Variants in ARHGAP26 observed in about 807,000 individuals in gnomAD.
ARHGAP26 encodes the protein rho GTPase-activating protein 26.
A neutral mutation model predicts 104.8 loss-of-function variants in ARHGAP26; 38 were observed. The ratio of observed to expected loss-of-function variants is 0.36; its 90% CI spans 0.28 to 0.48. The LOEUF is 0.48. ARHGAP26 is among the 20% of genes least tolerant of loss of function. The probability of loss-of-function intolerance (pLI) is 0.99; values close to 1 mark genes in which losing one functional copy is unlikely to be tolerated. For synonymous variants in ARHGAP26, 341 were observed against 340.0 expected (o/e 1.00, Z -0.03); for missense variants, 704 against 947.9 (o/e 0.74, Z 3.38).
chr5:142,894,232 T>G lies in ARHGAP26; in HGVS notation c.487-6T>G. The G allele has an allele frequency of 2.5e-6, 4 of 1,613,088 alleles. No individual in the cohort carries two copies. Among genetic ancestry groups the G allele is most frequent in the Non-Finnish European group, 3.4e-6 (4 of 1,179,106 alleles). On this transcript the variant is annotated splice_polypyrimidine_tract_variant and splice_region_variant and intron_variant, in intron 5 of 22. Transcript: ENST00000645722. ...ATTTTTCTCTTAAATTCCATCTTGT[T>G]TGTAGGCAGACAGCCAAGTGGACCT...
At chr5:142,981,121 A>T (rs971140656) in intron 11 of ARHGAP26, among the ~76,000 whole-genome samples, 5 of 152,218 alleles carry the variant, frequency 3.3e-5, no homozygotes, top group Admixed American at 6.5e-5. Context: ...TCATCATGGA[A>T]AGAAAAATGC....
At chr5:142,799,042 C>G (rs189002452) in intron 1 of ARHGAP26, among the ~76,000 whole-genome samples, 6 of 152,126 alleles carry the variant, frequency 3.9e-5, no homozygotes, top group African/African-American at 1.4e-4. Flanking sequence ...TGGTATACCT[C>G]GAAGAGATAA....
intron 20 of ARHGAP26, among the ~76,000 whole-genome samples, chr5:143,158,557 A>G (rs1453728453): frequency 2.6e-5 from 4 of 152,206 alleles, no homozygotes; most frequent in Admixed American, 2.6e-4. Context: ...GCAAAAGGGA[A>G]AAGAGCTTCT....
chr5:143,210,531 A>G (rs1006782469), intron 21 of ARHGAP26, among the ~76,000 whole-genome samples: 7 of 152,202 alleles, frequency 4.6e-5, no homozygotes, highest in African/African-American at 1.7e-4. Context: ...GCAGCACAGT[A>G]GAGAAAGGGT....
At chr5:142,777,515 C>T (rs1299722772) in intron 1 of ARHGAP26, among the ~76,000 whole-genome samples, 2 of 152,224 alleles carry the variant, frequency 1.3e-5, no homozygotes, top group Non-Finnish European at 2.9e-5. Flanking sequence ...GAATACTAAC[C>T]TAGCAGTCAA....
intron 13 of ARHGAP26, among the ~76,000 whole-genome samples, chr5:143,038,910 G>A (rs1783054255): frequency 1.3e-5 from 2 of 151,830 alleles, no homozygotes; most frequent in South Asian, 4.2e-4. Context: ...TGGCCAGGAT[G>A]GTCTCGATCT....
At chr5:142,861,739 A>G (rs1179642772) in intron 1 of ARHGAP26, among the ~76,000 whole-genome samples, 3 of 152,180 alleles carry the variant, frequency 2.0e-5, no homozygotes, top group African/African-American at 7.2e-5. Context: ...TCAGTGCATC[A>G]TCTCTCTTCT....
chr5:143,114,601 G>A (rs1795185837), intron 17 of ARHGAP26, among the ~76,000 whole-genome samples: 1 of 152,160 alleles, frequency 6.6e-6, no homozygotes, highest in African/African-American at 2.4e-5. Flanking sequence ...TGAGAGGGTA[G>A]TAGAGAGAAG....
Position 143,008,549 on chromosome 5 carries a change from A to T in ARHGAP26, c.1108-5531A>T, listed in dbSNP as rs529117280. Among the ~76,000 whole-genome samples the T allele has an allele frequency of 3.9e-5, 6 of 152,322 alleles. No individual in the cohort carries two copies. In the South Asian group the frequency reaches 1.2e-3, roughly 32 times the overall value. On this transcript the variant is annotated intron_variant, in intron 11 of 22. Coordinates refer to ENST00000645722, the MANE Select transcript of ARHGAP26 (RefSeq NM_001135608.3). Reference sequence around the variant, plus strand: ...GGAGACTTGGAGAAAACCTCAGGGGATCATAGAGTTTGGATGTGCATTTGG... The same window carrying T: ...GGAGACTTGGAGAAAACCTCAGGGGTTCATAGAGTTTGGATGTGCATTTGG...
chr5:142,775,318 C>G (rs574932803), intron 1 of ARHGAP26, among the ~76,000 whole-genome samples: 6 of 152,078 alleles, frequency 3.9e-5, no homozygotes, highest in Admixed American at 6.5e-5. Context: ...GTAGTGGTAT[C>G]TCATTTTAAA....
intron 1 of ARHGAP26, among the ~76,000 whole-genome samples, chr5:142,861,639 G>T (rs1219518118): frequency 1.3e-5 from 2 of 152,108 alleles, no homozygotes; most frequent in Non-Finnish European, 2.9e-5. Flanking sequence ...AATCAGCCTG[G>T]CATGTTATTT....
intron 6 of ARHGAP26, among the ~76,000 whole-genome samples, chr5:142,895,898 A>C (rs954313691): frequency 1.3e-5 from 2 of 152,216 alleles, no homozygotes; most frequent in African/African-American, 4.8e-5. Flanking sequence ...TAGAACTATA[A>C]TTTCTGGATA....
At chr5:142,914,508 G>A (rs1762234427) in intron 10 of ARHGAP26, among the ~76,000 whole-genome samples, 1 of 152,218 alleles carries the variant, frequency 6.6e-6, no homozygotes, top group African/African-American at 2.4e-5. Flanking sequence ...AGGAAATAAT[G>A]CATGTAAAAT....
intron 11 of ARHGAP26, among the ~76,000 whole-genome samples, chr5:142,980,317 A>G (rs1011358296): frequency 1.3e-5 from 2 of 151,880 alleles, no homozygotes; most frequent in African/African-American, 4.8e-5. Flanking sequence ...GATTGTTTGT[A>G]AATTTGAGCT....
chr5:142,894,188 A>G (rs368138241), intron 5 of ARHGAP26, 50 bp from the exon 6 acceptor site: 6 of 1,520,830 alleles, frequency 3.9e-6, no homozygotes, highest in South Asian at 3.4e-5. Flanking sequence ...TCGGAATGCT[A>G]TCCTTGGGTA....
chr5:142,955,744 T>C (rs1447324862), intron 11 of ARHGAP26, among the ~76,000 whole-genome samples: 4 of 152,188 alleles, frequency 2.6e-5, no homozygotes, highest in African/African-American at 9.6e-5. Context: ...AGGCCTTTAA[T>C]AGGGAAAATG....
intron 1 of ARHGAP26, among the ~76,000 whole-genome samples, chr5:142,808,744 T>G (rs115653794): frequency 0.018 from 2,730 of 151,814 alleles, 82 homozygotes; most frequent in African/African-American, 0.062. Context: ...GGGACTAGGG[T>G]TGAGCTCCAA....
intron 12 of ARHGAP26, among the ~76,000 whole-genome samples, chr5:143,017,345 C>T (rs2152827245): frequency 1.3e-5 from 2 of 152,246 alleles, no homozygotes; most frequent in South Asian, 4.1e-4. Flanking sequence ...TCCAAATGAC[C>T]CAGTTGCCAG....
intron 1 of ARHGAP26, among the ~76,000 whole-genome samples, chr5:142,839,093 C>T (rs146563118): frequency 2.0e-4 from 31 of 152,350 alleles, no homozygotes; most frequent in African/African-American, 7.5e-4. Context: ...CAGGGATCTG[C>T]ATTTTAACAA....
Sources: gnomAD v4.1 joint callset for allele counts (sites outside exome capture counted in the v4.1 genomes callset) on GRCh38, gnomAD v4.1.1 for gene constraint, MANE v1.5 for transcripts, NCBI Gene and HGNC (gene_info 2026-07-23, HGNC 2026-07-21) for gene names.